PIEZO1: variants seen among roughly 807,000 people sequenced by gnomAD.
PIEZO1 encodes piezo type mechanosensitive ion channel component 1 (Er blood group), also known as piezo-type mechanosensitive ion channel component 1.
In PIEZO1, 296 loss-of-function variants were observed where a neutral mutation model predicts 297.2. That is an observed-to-expected ratio of 1.00 (90% CI 0.91 to 1.10). PIEZO1 has a LOEUF of 1.10. Among genes scored for constraint, PIEZO1 ranks in the 50% least tolerant of loss-of-function variants. PIEZO1 has a pLI of 0.00. For missense variants in PIEZO1, 5,018 were observed against 3,455.5 expected (o/e 1.45, Z -11.34); for synonymous variants, 2,427 against 1,507.5 (o/e 1.61, Z -14.13).
intron 1 of PIEZO1, among the ~76,000 whole-genome samples, chr16:88,776,211 G>A (rs556994295): frequency 3.3e-5 from 5 of 152,362 alleles, no homozygotes; most frequent in Non-Finnish European, 7.4e-5. Context: ...GAGGCGGGTG[G>A]ATCATGAGGT....
intron 1 of PIEZO1, among the ~76,000 whole-genome samples, chr16:88,760,198 G>T (rs573605414): frequency 1.4e-4 from 21 of 152,132 alleles, no homozygotes; most frequent in Admixed American, 3.9e-4. Flanking sequence ...CGTGGCTACA[G>T]ACGGCTGAGC....
chr16:88,757,243 G>A (rs983134224), intron 1 of PIEZO1, among the ~76,000 whole-genome samples: 3 of 150,600 alleles, frequency 2.0e-5, no homozygotes, highest in African/African-American at 7.3e-5. Context: ...ATTGAGGTTA[G>A]GAGGAGGGAC....
chr16:88,734,847 C>G lies in PIEZO1; in HGVS notation c.1848+28G>C, dbSNP rs772296761. 6.5e-6 allele frequency: 10 copies of G among 1,550,080 alleles called. No homozygotes were observed. In the African/African-American group the frequency reaches 1.2e-4, roughly 19 times the overall value. ...GAGGACCGCGGGGAGGGTCCGTGCC[C>G]CAGCCCCCATCCCGGCCCCCCAGCC... On this transcript the variant is annotated intron_variant, in intron 14 of 50. Transcript: ENST00000301015.
intron 1 of PIEZO1, among the ~76,000 whole-genome samples, chr16:88,756,428 C>T (rs1906658472): frequency 6.6e-6 from 1 of 152,186 alleles, no homozygotes; most frequent in Admixed American, 6.5e-5. Context: ...GACATGTCCT[C>T]AGGAACCACA....
Position 88,726,687 on chromosome 16 carries a change from G to A in PIEZO1, c.3699+28C>T, listed in dbSNP as rs558042926. On this transcript the variant is annotated intron_variant, in intron 25 of 50. Transcript: ENST00000301015. ...AGCGGGGCCAGCGGGGCCCCAGGGC[G>A]GTGGGTGCGGGGGGGCCGGAGGCTC... is the stretch of plus-strand genomic sequence containing the variant. The A allele has an allele frequency of 5.8e-4, 874 of 1,511,232 alleles. 3 individuals are homozygous for A. The South Asian group carries it at 7.1e-3, about 12-fold the overall frequency. 93.6% of individuals were successfully genotyped at this position (1,511,232 alleles called of 1,614,324 possible).
chr16:88,725,553 T>TG (rs879686708), intron 28 of PIEZO1, 34 bp from the exon 29 acceptor site: 281 of 1,535,578 alleles, frequency 1.8e-4, no homozygotes, highest in Non-Finnish European at 2.4e-4. Context: ...TGCTGAGCAT[T>TG]GGGGGGAGGA....
At position 88,720,213 on chromosome 16, in the gene PIEZO1, A is replaced by G. The variant is rs1296955170; in HGVS notation, c.6020T>C (p.Met2007Thr). 1 of 1,550,596 alleles carries G rather than the reference A, an allele frequency of 6.4e-7. No homozygotes were observed. Among genetic ancestry groups the G allele is most frequent in the South Asian group, 1.2e-5 (1 of 84,066 alleles). Residue 2007 changes from methionine (M) to threonine (T), a missense_variant, in exon 42 of 51, where the codon ATG becomes ACG. Coordinates refer to ENST00000301015, the MANE Select transcript of PIEZO1 (RefSeq NM_001142864.4). Reference sequence around the variant, plus strand: ...CATGGTACTGAACTGGATCAGCAGCATGACCAGGAAAGCCTCGGGTACCTG... The same window carrying G: ...CATGGTACTGAACTGGATCAGCAGCGTGACCAGGAAAGCCTCGGGTACCTG... ...DDQVPEAFLV[M>T]LLIQFSTMVV...
chr16:88,727,870 G>A (rs550854542), intron 22 of PIEZO1: 3 of 383,224 alleles, frequency 7.8e-6, no homozygotes, highest in African/African-American at 2.1e-5. Context: ...GCCCCTGGGG[G>A]CAAAGGAACT....
intron 31 of PIEZO1, 102 bp from the exon 32 acceptor site, chr16:88,723,430 C>A: frequency 7.5e-7 from 1 of 1,341,210 alleles, no homozygotes. Flanking sequence ...GATCCCTGCT[C>A]TGTGTCTCCC....
rs1038879369 is a variant in PIEZO1, at chr16:88,732,508, C to G, written c.2818G>C (p.Val940Leu). 6.5e-7 allele frequency: 1 copy of G among 1,547,652 alleles called. No homozygotes were observed. The highest frequency in any genetic ancestry group is 2.4e-5 in the East Asian group (1 of 40,826). Reference protein sequence around the residue: ...QNHLQVLLLLVFEAIVYRRQE... With the variant: ...QNHLQVLLLLLFEAIVYRRQE... ...CGCCGGTACACGATGGCCTCGAATACCAGCAGCAGCAGCACTTGCAGGTGG... is the reference window on the plus strand; with the variant it reads ...CGCCGGTACACGATGGCCTCGAATAGCAGCAGCAGCAGCACTTGCAGGTGG... Residue 940 changes from valine (V) to leucine (L), a missense_variant, in exon 21 of 51, where the codon GTA becomes CTA. By Grantham distance (32) the Val-to-Leu change is conservative. Coordinates refer to ENST00000301015, the MANE Select transcript of PIEZO1 (RefSeq NM_001142864.4).
rs757678973 is a variant in PIEZO1 at position 88,717,853 on chromosome 16, C to G, written c.6472-642G>C. On this transcript the variant is annotated intron_variant, in intron 44 of 50. Transcript: ENST00000301015. ...ACTCTAATAAAAAACAACCCAACTGCTGGGTGTGGCGGCTCACACTTGTCA... is the reference window on the plus strand; with the variant it reads ...ACTCTAATAAAAAACAACCCAACTGGTGGGTGTGGCGGCTCACACTTGTCA... The G allele has an allele frequency of 9.2e-6, 4 of 432,978 alleles. No individual in the cohort carries two copies. The East Asian group carries it at 2.8e-4, about 30-fold the overall frequency. 26.8% of individuals were successfully genotyped at this position (432,978 alleles called of 1,614,324 possible).
chr16:88,723,005 C>T lies in PIEZO1; in HGVS notation c.4500G>A (p.Arg1500=). ...TCAGCACCCTCTGCACCACATGGCT[C>T]CGGCCTGCGGGAGGGCGGGAGGGGG... is the stretch of plus-strand genomic sequence containing the variant. ...AEGPEEAAAG[R]SHVVQRVLST... is the part of the protein sequence containing the mutation. The change falls in exon 34 of 51, where the codon CGG becomes CGA. Residue 1500 remains arginine, a synonymous_variant. Transcript: ENST00000301015. The T allele has an allele frequency of 1.9e-6, 3 of 1,546,372 alleles. No individual in the cohort carries two copies. The highest frequency in any genetic ancestry group is 2.4e-5 in the East Asian group (1 of 40,864).
intron 1 of PIEZO1, among the ~76,000 whole-genome samples, chr16:88,749,715 T>G (rs900531028): frequency 3.3e-5 from 5 of 152,208 alleles, no homozygotes; most frequent in African/African-American, 2.4e-5. Context: ...CTTTCTACCT[T>G]GCTTTTTTTC....
chr16:88,776,168 C>T (rs985142607), intron 1 of PIEZO1, among the ~76,000 whole-genome samples: 4 of 152,260 alleles, frequency 2.6e-5, no homozygotes, highest in Non-Finnish European at 5.9e-5. Context: ...GGCGCGGTGG[C>T]TCACGCCTGT....
At chr16:88,723,462 C>T (rs992780553) in intron 31 of PIEZO1, 134 bp from the exon 32 acceptor site, 17 of 1,039,132 alleles carry the variant, frequency 1.6e-5, no homozygotes, top group Non-Finnish European at 1.8e-5. Flanking sequence ...TGTCCCTGAG[C>T]CCCTCCCGGA....
intron 1 of PIEZO1, among the ~76,000 whole-genome samples, chr16:88,756,386 G>C (rs964342767): frequency 6.6e-6 from 1 of 152,220 alleles, no homozygotes; most frequent in African/African-American, 2.4e-5. Context: ...TGATGGGGCG[G>C]GGTGGGCTAA....
intron 22 of PIEZO1, among the ~76,000 whole-genome samples, chr16:88,730,075 G>A (rs984110364): frequency 5.3e-5 from 8 of 152,246 alleles, no homozygotes; most frequent in Non-Finnish European, 8.8e-5. Flanking sequence ...GACAGGAGAC[G>A]GGGAGCTGGC....
chr16:88,758,728 A>G (rs1185700835), intron 1 of PIEZO1, among the ~76,000 whole-genome samples: 1 of 152,220 alleles, frequency 6.6e-6, no homozygotes, highest in African/African-American at 2.4e-5. Context: ...ACAACTGCTG[A>G]GATGACCACA....
At chr16:88,718,805 T>G (rs941411318) in intron 44 of PIEZO1, 1 of 153,090 alleles carries the variant, frequency 6.5e-6, no homozygotes, top group African/African-American at 2.4e-5. Flanking sequence ...ACTCCTGGCC[T>G]CAAGCCATCC....
Sources: gnomAD v4.1 joint callset for allele counts (sites outside exome capture counted in the v4.1 genomes callset) on GRCh38, gnomAD v4.1.1 for gene constraint, MANE v1.5 for transcripts, NCBI Gene and HGNC (gene_info 2026-07-23, HGNC 2026-07-21) for gene names.